The following PIGK variants were observed in gnomAD, a reference collection of about 807,000 sequenced individuals.
PIGK encodes the protein phosphatidylinositol glycan anchor biosynthesis class K, also known as GPI-anchor transamidase.
PIGK carries 42 observed loss-of-function variants against 50.6 expected under a neutral mutation model. The ratio of observed to expected loss-of-function variants is 0.83; its 90% CI spans 0.65 to 1.07. The LOEUF is 1.07. Ranked by LOEUF, PIGK falls within the 50% of genes least tolerant of loss-of-function variation. The pLI is 0.00. For synonymous variants in PIGK, 151 were observed against 156.0 expected, an observed-to-expected ratio of 0.97 and a Z score of 0.24; for missense variants, 448 against 488.7, an observed-to-expected ratio of 0.92 and a Z score of 0.78.
In PIGK at chr1:77,136,372, A is replaced by T. The variant is rs550312935; in HGVS notation, c.987-14013T>A. ...GTGAAACCCCGTCTCTACTAAAAAT[A>T]CAAAAAATTAGCCGGGCGTAGTGGC... On this transcript the variant is annotated intron_variant, in intron 9 of 10. Transcript: ENST00000370812. Among the ~76,000 whole-genome samples the T allele has an allele frequency of 3.3e-5, 5 of 151,736 alleles. No homozygotes were observed. In the East Asian group the frequency reaches 9.7e-4, roughly 29 times the overall value.
chr1:77,169,152 G>A, intron 4 of PIGK, 108 bp downstream of exon 4: 1 of 660,682 alleles, frequency 1.5e-6, no homozygotes, highest in South Asian at 3.1e-5. Flanking sequence ...AGGCTTCAGT[G>A]ACAATTAAAT....
chr1:77,169,298 A>G lies in PIGK; in HGVS notation c.337T>C (p.Tyr113His). 6.3e-7 allele frequency: 1 copy of G among 1,591,258 alleles called. No individual in the cohort carries two copies. The highest frequency in any genetic ancestry group is 8.6e-7 in the Non-Finnish European group (1 of 1,166,392). The change falls in exon 4 of 11, where the codon TAT (tyrosine) becomes CAT (histidine). Residue 113 changes from tyrosine (Y) to histidine (H), a missense_variant. Transcript: ENST00000370812. ...FSHKNMELNV[Y>H]GDDVEVDYRS... ...TAATCCACTTCCACATCATCTCCAT[A>G]CACATTTAGTTCCATATTCTTGTGA...
At chr1:77,196,309 T>C (rs1422288453) in intron 3 of PIGK, among the ~76,000 whole-genome samples, 1 of 150,592 alleles carries the variant, frequency 6.6e-6, no homozygotes, top group African/African-American at 2.4e-5. Context: ...TGTGTCTTTA[T>C]GGTAGAACAA....
chr1:77,102,258 T>C (rs1315303680), intron 10 of PIGK, among the ~76,000 whole-genome samples: 1 of 152,208 alleles, frequency 6.6e-6, no homozygotes, highest in Non-Finnish European at 1.5e-5. Context: ...TGGTGACCAC[T>C]CCTAATTATT....
At chr1:77,148,543 A>T (rs1654820709) in intron 9 of PIGK, among the ~76,000 whole-genome samples, 1 of 152,164 alleles carries the variant, frequency 6.6e-6, no homozygotes, top group African/African-American at 2.4e-5. Flanking sequence ...ATTCTTCCAG[A>T]ACATATAACA....
intron 9 of PIGK, among the ~76,000 whole-genome samples, chr1:77,144,398 T>A (rs1428159734): frequency 6.6e-6 from 1 of 151,980 alleles, no homozygotes; most frequent in Non-Finnish European, 1.5e-5. Context: ...AATTGTTTTA[T>A]AAATATCATA....
At chr1:77,184,509 T>C (rs1314093206) in intron 3 of PIGK, among the ~76,000 whole-genome samples, 1 of 152,154 alleles carries the variant, frequency 6.6e-6, no homozygotes, top group African/African-American at 2.4e-5. Context: ...AACTGTGCAC[T>C]GCGGAAAGGG....
intron 3 of PIGK, among the ~76,000 whole-genome samples, chr1:77,170,255 C>A (rs909106163): frequency 1.3e-5 from 2 of 152,178 alleles, no homozygotes; most frequent in Non-Finnish European, 2.9e-5. Flanking sequence ...CTCCTTACAT[C>A]ATCTAAAAGG....
At chr1:77,214,789 C>T (rs1384604208) in intron 1 of PIGK, among the ~76,000 whole-genome samples, 1 of 152,086 alleles carries the variant, frequency 6.6e-6, no homozygotes, top group Middle Eastern at 3.2e-3. Flanking sequence ...ACTGATAAGA[C>T]TAATTCAGTA....
chr1:77,169,490 T>C lies in PIGK; in HGVS notation c.240-95A>G, dbSNP rs988972595. 5.0e-6 allele frequency: 5 copies of C among 999,324 alleles called. No homozygotes were observed. The African/African-American group carries it at 8.5e-5, about 17-fold the overall frequency. 61.9% of individuals were successfully genotyped at this position (999,324 alleles called of 1,614,324 possible). A position where few individuals can be genotyped will look rare whatever the true frequency, so the allele number is the denominator to read the frequency against. ...ATCATGTAGCTACTGTGTTCATTTT[T>C]CTCCTCCTTAAAAAAAAATTTTCAA... On this transcript the variant is annotated intron_variant, in intron 3 of 10. Coordinates refer to ENST00000370812, the MANE Select transcript of PIGK (RefSeq NM_005482.3).
At chr1:77,094,368 A>G (rs892791701) in intron 10 of PIGK, among the ~76,000 whole-genome samples, 3 of 152,158 alleles carry the variant, frequency 2.0e-5, no homozygotes, top group Non-Finnish European at 4.4e-5. Flanking sequence ...ACATATTGTC[A>G]AAATCTGGCA....
chr1:77,122,093 G>T (rs1654110629), intron 10 of PIGK, among the ~76,000 whole-genome samples, 182 bp downstream of exon 10: 2 of 152,100 alleles, frequency 1.3e-5, no homozygotes, highest in Admixed American at 6.6e-5. Flanking sequence ...ACAGCAAGTA[G>T]CCTTTTAATA....
chr1:77,096,881 C>CTTTTT (rs141858558), intron 10 of PIGK, among the ~76,000 whole-genome samples: 5 of 124,318 alleles, frequency 4.0e-5, no homozygotes, highest in African/African-American at 1.2e-4. Flanking sequence ...TCGGGTTTTT[C>CTTTTT]TTTTTTTTTT....
chr1:77,179,963 A>G (rs1331049120), intron 3 of PIGK, among the ~76,000 whole-genome samples: 1 of 152,138 alleles, frequency 6.6e-6, no homozygotes, highest in Non-Finnish European at 1.5e-5. Context: ...CCAGGTCAGC[A>G]TCACAGCAGT....
intron 9 of PIGK, among the ~76,000 whole-genome samples, chr1:77,124,544 G>A (rs1013923762): frequency 6.6e-6 from 1 of 151,870 alleles, no homozygotes; most frequent in Non-Finnish European, 1.5e-5. Flanking sequence ...GGGAGATGGA[G>A]GTTGCAGTGA....
intron 3 of PIGK, among the ~76,000 whole-genome samples, chr1:77,170,307 C>T (rs1655331093): frequency 1.3e-5 from 2 of 152,180 alleles, no homozygotes. Flanking sequence ...TCAGCCTCTA[C>T]CACCCACATT....
intron 3 of PIGK, among the ~76,000 whole-genome samples, chr1:77,172,447 T>C (rs567890017): frequency 3.9e-4 from 60 of 152,186 alleles, no homozygotes; most frequent in Non-Finnish European, 7.9e-4. Flanking sequence ...TCTCTGAATC[T>C]GCTGTGATTC....
At chr1:77,208,388 G>A (rs181901118) in intron 2 of PIGK, among the ~76,000 whole-genome samples, 35 of 152,288 alleles carry the variant, frequency 2.3e-4, no homozygotes, top group African/African-American at 8.2e-4. Context: ...TACTGAAATT[G>A]AAGAGAGGTT....
intron 3 of PIGK, among the ~76,000 whole-genome samples, chr1:77,176,939 G>C (rs1464371846): frequency 1.3e-5 from 2 of 152,144 alleles, no homozygotes; most frequent in Admixed American, 6.5e-5. Context: ...CTTACAAATT[G>C]CTAAAATAGT....
Sources: allele counts gnomAD v4.1 joint callset (sites outside exome capture counted in the v4.1 genomes callset), GRCh38; gene constraint gnomAD v4.1.1; transcripts MANE v1.5; gene names NCBI Gene and HGNC (gene_info 2026-07-23, HGNC 2026-07-21).